RABGEF1: variants seen among roughly 807,000 people sequenced by gnomAD.
RABGEF1 encodes the protein rab5 GDP/GTP exchange factor.
RABGEF1 carries 26 observed loss-of-function variants against 57.3 expected under a neutral mutation model. The ratio of observed to expected loss-of-function variants is 0.45; its 90% CI spans 0.33 to 0.63. RABGEF1 has a LOEUF of 0.63. Among genes scored for constraint, RABGEF1 ranks in the 20% least tolerant of loss-of-function variants. The probability of loss-of-function intolerance (pLI) is 0.02; values close to 1 mark genes in which losing one functional copy is unlikely to be tolerated. For missense variants in RABGEF1, 464 were observed against 607.6 expected, an observed-to-expected ratio of 0.76 and a Z score of 2.48; for synonymous variants, 185 against 210.7, an observed-to-expected ratio of 0.88 and a Z score of 1.06.
chr7:66,693,644 A>G (rs1281259911), intron 1 of RABGEF1, among the ~76,000 whole-genome samples: 1 of 152,146 alleles, frequency 6.6e-6, no homozygotes, highest in African/African-American at 2.4e-5. Context: ...GTGCTCAGAA[A>G]CATTGAGAAC....
chr7:66,656,132 TGA>T, the RABGEF1 span, among the ~76,000 whole-genome samples: 1 of 152,258 alleles, frequency 6.6e-6, no homozygotes, highest in East Asian at 1.9e-4. Context: ...ATTTATTTAT[TGA>T]GAGAGAGGGT....
chr7:66,754,568 A>G (rs1196663637), intron 1 of RABGEF1, among the ~76,000 whole-genome samples: 1 of 151,750 alleles, frequency 6.6e-6, no homozygotes, highest in Admixed American at 6.6e-5. Flanking sequence ...ACAGGGTGAG[A>G]CCTTGTAGCT....
intron 4 of RABGEF1, among the ~76,000 whole-genome samples, chr7:66,788,107 C>T (rs533738177): frequency 1.3e-5 from 2 of 152,276 alleles, no homozygotes; most frequent in South Asian, 2.1e-4. Flanking sequence ...TCTACTTCCT[C>T]AAAGTACCTA....
intron 1 of RABGEF1, among the ~76,000 whole-genome samples, chr7:66,766,209 G>A (rs1405174549): frequency 6.6e-6 from 1 of 151,740 alleles, no homozygotes; most frequent in African/African-American, 2.4e-5. Flanking sequence ...CATGGTGGCT[G>A]AGTGGTGGAG....
intron 1 of RABGEF1, among the ~76,000 whole-genome samples, chr7:66,758,487 A>G (rs1001434068): frequency 6.6e-6 from 1 of 152,200 alleles, no homozygotes; most frequent in East Asian, 1.9e-4. Context: ...ATTTATTGGA[A>G]TGCAGTGCTC....
chr7:66,680,899 G>C (rs551998768), upstream of RABGEF1, among the ~76,000 whole-genome samples: 378 of 152,264 alleles, frequency 2.5e-3, 6 homozygotes, highest in African/African-American at 7.9e-3. Flanking sequence ...TGGCCAACAT[G>C]GTGAAACCCC....
intron 7 of RABGEF1, among the ~76,000 whole-genome samples, chr7:66,802,854 G>A (rs910632798): frequency 6.6e-6 from 1 of 151,932 alleles, no homozygotes; most frequent in Admixed American, 6.6e-5. Flanking sequence ...CTTTTTACTC[G>A]CTTTCAAAAT....
In RABGEF1 at chr7:66,799,325, C is replaced by T. The variant is rs373563151; in HGVS notation, c.731C>T (p.Ala244Val). 3 of 1,599,496 alleles carry T rather than the reference C, an allele frequency of 1.9e-6. No homozygotes were observed. Among genetic ancestry groups the T allele is most frequent in the South Asian group, 1.1e-5 (1 of 90,756 alleles). Residue 244 changes from alanine (A) to valine (V), a missense_variant and splice_region_variant, in exon 7 of 9, where the codon GCC becomes GTC. Ala to Val is a moderately conservative substitution (Grantham distance 64). This residue lies in a region of RABGEF1 where 284 missense variants were observed against 389.9 expected (regional missense o/e 0.73). Transcript: ENST00000284957. Reference protein sequence around the residue: ...KDLAIQKRIRALRWVTPQMLC... With the variant: ...KDLAIQKRIRVLRWVTPQMLC... ...GTTTACTGTCTCTCTCTCTTTAGAG[C>T]CCTGCGCTGGGTTACGCCTCAGATG...
chr7:66,661,859 A>T, the RABGEF1 span, among the ~76,000 whole-genome samples: 12 of 152,312 alleles, frequency 7.9e-5, 1 homozygote, highest in South Asian at 1.4e-3. Flanking sequence ...TGGTTAAAAA[A>T]TTCTTAAGAA....
At chr7:66,711,099 G>T (rs1426442706) in intron 1 of RABGEF1, among the ~76,000 whole-genome samples, 1 of 152,204 alleles carries the variant, frequency 6.6e-6, no homozygotes, top group East Asian at 1.9e-4. Flanking sequence ...AGTTGAGGCT[G>T]CAGTGAGCTG....
intron 8 of RABGEF1, 56 bp from the exon 9 acceptor site, chr7:66,808,830 G>C: frequency 7.0e-7 from 1 of 1,426,620 alleles, no homozygotes; most frequent in South Asian, 1.4e-5. Flanking sequence ...TTTACAAATC[G>C]ACTCGAGTAT....
At chr7:66,793,149 G>A (rs1318899279) in intron 4 of RABGEF1, among the ~76,000 whole-genome samples, 1 of 152,092 alleles carries the variant, frequency 6.6e-6, no homozygotes, top group African/African-American at 2.4e-5. Flanking sequence ...AGTTGGAAGC[G>A]AGCACTACAG....
upstream of RABGEF1, among the ~76,000 whole-genome samples, chr7:66,680,371 A>G (rs111262496): frequency 6.6e-6 from 1 of 151,618 alleles, no homozygotes; most frequent in African/African-American, 2.4e-5. Context: ...CAACCTCCCA[A>G]GTAGCTGGGA....
intron 1 of RABGEF1, chr7:66,748,790 G>A (rs1019180905): frequency 1.9e-5 from 3 of 161,542 alleles, no homozygotes; most frequent in African/African-American, 7.2e-5. Context: ...TAAATCACTT[G>A]GTTATGAGAG....
intron 1 of RABGEF1, among the ~76,000 whole-genome samples, chr7:66,754,371 CTTT>C (rs113278671): frequency 1.4e-5 from 2 of 142,878 alleles, no homozygotes; most frequent in Non-Finnish European, 1.5e-5. Context: ...TTTCTTTCAG[CTTT>C]TTTTTTTTTT....
intron 8 of RABGEF1, among the ~76,000 whole-genome samples, chr7:66,806,435 T>C (rs1179559872): frequency 6.6e-6 from 1 of 152,114 alleles, no homozygotes; most frequent in African/African-American, 2.4e-5. Flanking sequence ...CCTCCAGCAT[T>C]GTGTTCAGCT....
At chr7:66,741,299 G>A (rs1408363163) in intron 1 of RABGEF1, among the ~76,000 whole-genome samples, 3 of 152,214 alleles carry the variant, frequency 2.0e-5, no homozygotes, top group Non-Finnish European at 2.9e-5. Context: ...TCACCCTAGG[G>A]GGCAGAAGTG....
chr7:66,706,505 G>A lies in RABGEF1; in HGVS notation c.-872-5662G>A, dbSNP rs916278061. On this transcript the variant is annotated intron_variant and NMD_transcript_variant, in intron 1 of 9. Transcript: ENST00000607882. ...GCTTACTGCACCCTTTGCCTCCCGGGTTCAAGCGATTCTCCTGCCTCAGCC... is the reference window on the plus strand; with the variant it reads ...GCTTACTGCACCCTTTGCCTCCCGGATTCAAGCGATTCTCCTGCCTCAGCC... Among the ~76,000 whole-genome samples the A allele has an allele frequency of 1.2e-4, 18 of 151,888 alleles. 1 individual carries two copies. Among genetic ancestry groups the A allele is most frequent in the Admixed American group, 9.8e-4 (15 of 15,248 alleles).
chr7:66,751,101 G>A (rs1250007968), intron 1 of RABGEF1, among the ~76,000 whole-genome samples: 2 of 150,876 alleles, frequency 1.3e-5, no homozygotes, highest in Non-Finnish European at 2.9e-5. Flanking sequence ...TGTGATCTTG[G>A]CTCACTGCAA....
Sources: allele counts gnomAD v4.1 joint callset (sites outside exome capture counted in the v4.1 genomes callset), GRCh38; gene constraint gnomAD v4.1.1; regional missense constraint gnomAD v4.1.1; transcripts MANE v1.5; gene names NCBI Gene and HGNC (gene_info 2026-07-23, HGNC 2026-07-21).